PDE4D: variants seen among roughly 807,000 people sequenced by gnomAD.
The protein encoded by PDE4D is 3',5'-cyclic-AMP phosphodiesterase 4D.
A neutral mutation model predicts 87.4 loss-of-function variants in PDE4D; 24 were observed. The observed-to-expected ratio is 0.27, with a 90% confidence interval of 0.20 to 0.39. PDE4D has a LOEUF of 0.39. Among genes scored for constraint, PDE4D ranks in the 10% least tolerant of loss-of-function variants. The pLI is 1.00. For missense variants in PDE4D, 714 were observed against 1,041.0 expected, an observed-to-expected ratio of 0.69 and a Z score of 4.32; for synonymous variants, 384 against 383.2, an observed-to-expected ratio of 1.00 and a Z score of -0.02.
intron 1 of PDE4D, among the ~76,000 whole-genome samples, chr5:60,351,711 T>C (rs570208061): frequency 6.6e-6 from 1 of 152,272 alleles, no homozygotes; most frequent in African/African-American, 2.4e-5. Flanking sequence ...AGTATTATTA[T>C]AGCTGAATAT....
At chr5:58,984,636 C>A (rs973910462) in intron 11 of PDE4D, among the ~76,000 whole-genome samples, 3 of 152,114 alleles carry the variant, frequency 2.0e-5, no homozygotes, top group African/African-American at 7.2e-5. Context: ...TGTATACTGA[C>A]AGCTAGATAC....
intron 3 of PDE4D, among the ~76,000 whole-genome samples, chr5:59,954,813 T>C (rs1327545346): frequency 6.6e-6 from 1 of 152,194 alleles, no homozygotes. Context: ...AGTTCACGTA[T>C]TGAGTGAGGC....
chr5:59,535,072 T>TGG (rs1358454210), intron 1 of PDE4D, among the ~76,000 whole-genome samples: 1 of 77,256 alleles, frequency 1.3e-5, no homozygotes, highest in African/African-American at 4.2e-5. Context: ...TGTGTGTGTG[T>TGG]GTGTGGGGGG....
intron 1 of PDE4D, among the ~76,000 whole-genome samples, chr5:59,242,528 C>T (rs897462342): frequency 6.6e-6 from 1 of 152,230 alleles, no homozygotes; most frequent in South Asian, 2.1e-4. Context: ...TTAGCAATGT[C>T]AGAAGAGACA....
At chr5:60,313,920 T>C (rs964235304) in intron 1 of PDE4D, among the ~76,000 whole-genome samples, 8 of 152,066 alleles carry the variant, frequency 5.3e-5, no homozygotes, top group Non-Finnish European at 1.5e-5. Flanking sequence ...TTCAGCAAAC[T>C]AGGCATTAAA....
At chr5:59,723,368 T>C (rs75094992) in intron 1 of PDE4D, among the ~76,000 whole-genome samples, 2,103 of 152,180 alleles carry the variant, frequency 0.014, 51 homozygotes, top group African/African-American at 0.048. Flanking sequence ...AAATACCTCA[T>C]AGAATGTGGT....
chr5:59,802,189 A>G (rs1376135872), intron 1 of PDE4D, among the ~76,000 whole-genome samples: 4 of 152,070 alleles, frequency 2.6e-5, no homozygotes, highest in Non-Finnish European at 5.9e-5. Context: ...ATTAGAAGAG[A>G]ACCTCTGGGA....
chr5:59,926,588 T>A (rs1225474018), intron 3 of PDE4D, among the ~76,000 whole-genome samples: 2 of 152,084 alleles, frequency 1.3e-5, no homozygotes, highest in Non-Finnish European at 2.9e-5. Flanking sequence ...TTTGAAAAGA[T>A]AAACAAAATT....
chr5:59,976,608 T>G lies in PDE4D; in HGVS notation c.272+11880A>C, dbSNP rs1190448247. Among the ~76,000 whole-genome samples the G allele has an allele frequency of 2.6e-5, 4 of 152,202 alleles. No homozygotes were observed. The South Asian group carries it at 6.2e-4, about 24-fold the overall frequency. ...TGCTAAACAATGAGCCAAATAAATC[T>G]CTTTTCTTTGTAAATTAGCCAGTCA... is the stretch of plus-strand genomic sequence containing the variant. On this transcript the variant is annotated intron_variant, in intron 3 of 16. Transcript: ENST00000502484.
chr5:59,898,535 A>G (rs1170755726), upstream of PDE4D, among the ~76,000 whole-genome samples: 2 of 152,208 alleles, frequency 1.3e-5, no homozygotes, highest in Non-Finnish European at 2.9e-5. Flanking sequence ...GACCTCAAGT[A>G]CACATTGAAA....
intron 5 of PDE4D, among the ~76,000 whole-genome samples, chr5:59,125,809 C>T (rs1357219475): frequency 6.6e-6 from 1 of 152,030 alleles, no homozygotes. Context: ...AATCTAGGCA[C>T]ATAGCAGAAA....
At chr5:59,791,973 T>C (rs1353770497) in intron 1 of PDE4D, among the ~76,000 whole-genome samples, 2 of 152,198 alleles carry the variant, frequency 1.3e-5, no homozygotes, top group East Asian at 3.8e-4. Context: ...GCACTGCAAC[T>C]AAAGTATTTT....
intron 1 of PDE4D, among the ~76,000 whole-genome samples, chr5:59,394,367 T>G (rs1162171546): frequency 6.6e-6 from 1 of 152,198 alleles, no homozygotes; most frequent in East Asian, 1.9e-4. Flanking sequence ...CAAAGGCATA[T>G]TCTCTTCACT....
intron 1 of PDE4D, among the ~76,000 whole-genome samples, chr5:59,406,395 T>TTTC (rs1791654270): frequency 3.0e-5 from 1 of 33,240 alleles, no homozygotes; most frequent in Non-Finnish European, 5.5e-5. Context: ...TATCTTTCCT[T>TTTC]CCCCCCCCCC....
intron 1 of PDE4D, among the ~76,000 whole-genome samples, chr5:59,644,701 C>T (rs557311398): frequency 7.2e-5 from 11 of 152,262 alleles, no homozygotes; most frequent in Admixed American, 3.3e-4. Flanking sequence ...CTAATGTAAA[C>T]GTGTGTATCT....
At chr5:58,984,639 C>T (rs1314508508) in intron 11 of PDE4D, among the ~76,000 whole-genome samples, 1 of 152,144 alleles carries the variant, frequency 6.6e-6, no homozygotes, top group East Asian at 1.9e-4. Flanking sequence ...ATACTGACAG[C>T]TAGATACATC....
At chr5:59,024,488 C>G (rs558658990) in intron 6 of PDE4D, among the ~76,000 whole-genome samples, 1 of 152,120 alleles carries the variant, frequency 6.6e-6, no homozygotes. Flanking sequence ...TGAGGCACCA[C>G]GCCCGGCTGC....
At chr5:60,416,167 T>C (rs1742527306) in intron 1 of PDE4D, among the ~76,000 whole-genome samples, 1 of 152,096 alleles carries the variant, frequency 6.6e-6, no homozygotes, top group African/African-American at 2.4e-5. Flanking sequence ...GCTCAAGGAT[T>C]GTAAATGCAC....
rs990484295 is a variant in PDE4D at position 60,047,823 on chromosome 5, GA to G, written c.43-59107del. 2.0e-5 allele frequency among the ~76,000 whole-genome samples: 3 copies of G among 152,010 alleles called. No individual in the cohort carries two copies. In the East Asian group the frequency reaches 5.8e-4, roughly 29 times the overall value. On this transcript the variant is annotated intron_variant, in intron 2 of 16. Transcript: ENST00000502484. ...TTTGGAATAGGTGTGGTGTGGTGCT[GA>G]AAAAAATGTATATTCTGTTGATTTG...
Sources: gnomAD v4.1 joint callset for allele counts (sites outside exome capture counted in the v4.1 genomes callset) on GRCh38, gnomAD v4.1.1 for gene constraint, MANE v1.5 for transcripts, NCBI Gene and HGNC (gene_info 2026-07-23, HGNC 2026-07-21) for gene names.